The following SPAG16 variants were observed in gnomAD, a reference collection of about 807,000 sequenced individuals.
The protein encoded by SPAG16 is sperm-associated antigen 16 protein.
A neutral mutation model predicts 80.4 loss-of-function variants in SPAG16; 86 were observed. That is an observed-to-expected ratio of 1.07 (90% CI 0.90 to 1.28). The LOEUF (loss-of-function observed/expected upper bound fraction) is 1.28. Among genes scored for constraint, SPAG16 ranks in the 50% most tolerant of loss-of-function variants. SPAG16 has a pLI of 0.00. For missense variants in SPAG16, 870 were observed against 765.3 expected, an observed-to-expected ratio of 1.14 and a Z score of -1.61; for synonymous variants, 294 against 265.9, an observed-to-expected ratio of 1.11 and a Z score of -1.03.
chr2:213,690,776 C>G (rs1271714282), intron 10 of SPAG16, among the ~76,000 whole-genome samples: 2 of 152,120 alleles, frequency 1.3e-5, no homozygotes, highest in East Asian at 3.9e-4. Flanking sequence ...ATATTAACTC[C>G]AGGTTCTTCA....
intron 15 of SPAG16, among the ~76,000 whole-genome samples, chr2:214,311,983 A>G (rs1459747196): frequency 6.6e-6 from 1 of 152,204 alleles, no homozygotes; most frequent in Non-Finnish European, 1.5e-5. Flanking sequence ...CCTTTATCAA[A>G]TGAAATGAGT....
At chr2:213,716,336 A>T (rs2066238037) in intron 10 of SPAG16, among the ~76,000 whole-genome samples, 1 of 152,180 alleles carries the variant, frequency 6.6e-6, no homozygotes. Flanking sequence ...GTACAAAATG[A>T]TGTGAGAGTA....
intron 12 of SPAG16, among the ~76,000 whole-genome samples, chr2:213,985,729 A>T (rs2045967090): frequency 6.6e-6 from 1 of 152,206 alleles, no homozygotes; most frequent in Non-Finnish European, 1.5e-5. Flanking sequence ...GAGAGGGAAT[A>T]AAAGGATGGA....
intron 10 of SPAG16, among the ~76,000 whole-genome samples, chr2:213,732,288 A>G (rs1292446344): frequency 3.9e-5 from 6 of 152,176 alleles, no homozygotes; most frequent in African/African-American, 1.4e-4. Context: ...CTGTTCATCC[A>G]TCTTGGCAAG....
intron 10 of SPAG16, among the ~76,000 whole-genome samples, chr2:213,843,572 C>T (rs1379078215): frequency 2.0e-5 from 3 of 152,166 alleles, no homozygotes; most frequent in Admixed American, 6.5e-5. Context: ...CCTTCTAGGC[C>T]GGGCGAGGTG....
chr2:214,234,660 A>G (rs940676923), intron 15 of SPAG16, among the ~76,000 whole-genome samples: 26 of 151,810 alleles, frequency 1.7e-4, no homozygotes, highest in Admixed American at 1.7e-3. Flanking sequence ...GCTTTTTTTC[A>G]TATGTTTGTT....
intron 10 of SPAG16, among the ~76,000 whole-genome samples, chr2:213,828,641 G>T (rs1023919999): frequency 1.6e-4 from 24 of 152,138 alleles, no homozygotes; most frequent in African/African-American, 5.5e-4. Flanking sequence ...TCACAGTCTG[G>T]GTTGGTTTGT....
chr2:214,078,928 A>T (rs1402074563), intron 13 of SPAG16, among the ~76,000 whole-genome samples: 4 of 152,210 alleles, frequency 2.6e-5, no homozygotes, highest in African/African-American at 9.6e-5. Flanking sequence ...AAAGTAGGGA[A>T]GATACTGCAC....
At chr2:214,336,003 C>T (rs867801055) in intron 15 of SPAG16, among the ~76,000 whole-genome samples, 10 of 152,006 alleles carry the variant, frequency 6.6e-5, no homozygotes, top group African/African-American at 2.2e-4. Context: ...GTGATCCACC[C>T]GCCTTGGCCT....
intron 1 of SPAG16, among the ~76,000 whole-genome samples, chr2:213,295,740 A>G (rs555135519): frequency 1.3e-5 from 2 of 152,214 alleles, no homozygotes; most frequent in East Asian, 3.9e-4. Context: ...AATTCACGCT[A>G]CCTTATGATA....
chr2:213,327,358 C>T (rs2063888413), intron 5 of SPAG16, among the ~76,000 whole-genome samples: 1 of 151,988 alleles, frequency 6.6e-6, no homozygotes, highest in African/African-American at 2.4e-5. Flanking sequence ...TTAAATTGTT[C>T]TACTGAATAG....
intron 15 of SPAG16, among the ~76,000 whole-genome samples, chr2:214,316,736 G>A (rs1205175085): frequency 6.6e-6 from 1 of 151,906 alleles, no homozygotes; most frequent in Non-Finnish European, 1.5e-5. Flanking sequence ...AGGATATTTT[G>A]TCTCAAGATC....
intron 14 of SPAG16, 26 bp downstream of exon 14, chr2:214,108,287 G>A (rs16851495): frequency 0.076 from 117,186 of 1,551,664 alleles, 5,883 homozygotes; most frequent in East Asian, 0.3. Flanking sequence ...CCAGTAAACT[G>A]TTTTTAATGC....
At chr2:213,785,852 C>T (rs1453029262) in intron 10 of SPAG16, among the ~76,000 whole-genome samples, 1 of 151,868 alleles carries the variant, frequency 6.6e-6, no homozygotes, top group Non-Finnish European at 1.5e-5. Context: ...ACTAACAATA[C>T]AAAAATTAGC....
rs112307867 is a variant in SPAG16, at chr2:213,761,706, A to G, written c.1071-100779A>G. 2.5e-3 allele frequency among the ~76,000 whole-genome samples: 385 copies of G among 152,066 alleles called. 1 individual carries two copies. Among genetic ancestry groups the G allele is most frequent in the Non-Finnish European group, 4.3e-3 (293 of 67,980 alleles). Reference sequence around the variant, plus strand: ...AAACCCCATCTGTACTAAAACTACAAAAACAAAAAATTAGCTGGGCGTGGT... The same window carrying G: ...AAACCCCATCTGTACTAAAACTACAGAAACAAAAAATTAGCTGGGCGTGGT... On this transcript the variant is annotated intron_variant, in intron 10 of 15. Transcript: ENST00000331683.
At chr2:213,318,419 A>G (rs1033386071) in intron 5 of SPAG16, among the ~76,000 whole-genome samples, 23 of 152,032 alleles carry the variant, frequency 1.5e-4, no homozygotes, top group African/African-American at 5.3e-4. Flanking sequence ...CAAAAACCAC[A>G]TATTCTCACT....
rs2075969026 is a variant in SPAG16 at position 213,871,916 on chromosome 2, C to G, written c.1214+9288C>G. On this transcript the variant is annotated intron_variant, in intron 11 of 15. Transcript: ENST00000331683. ...GAGAGAGAGCAAACAGCAGTAAAAA[C>G]AAACCTTAGAAGGAAGCCTGATTTT... Among the ~76,000 whole-genome samples the G allele has an allele frequency of 2.7e-5, 4 of 148,912 alleles. No individual in the cohort carries two copies. In the South Asian group the frequency reaches 8.5e-4, roughly 32 times the overall value.
intron 15 of SPAG16, among the ~76,000 whole-genome samples, chr2:214,181,594 A>G (rs986371760): frequency 6.6e-6 from 1 of 151,814 alleles, no homozygotes; most frequent in Non-Finnish European, 1.5e-5. Flanking sequence ...AAGCTTTGCT[A>G]GAGGCCGTCT....
chr2:213,896,404 A>G lies in SPAG16; in HGVS notation c.1215-33556A>G, dbSNP rs184191449. Among the ~76,000 whole-genome samples the G allele has an allele frequency of 2.2e-3, 330 of 151,994 alleles. 1 individual carries two copies. Among genetic ancestry groups the G allele is most frequent in the Non-Finnish European group, 3.1e-3 (209 of 67,876 alleles). ...ACAGCATGGAGATACCTAAAAAAAA[A>G]TAGAACTACATATGATCCAGCAATT... is the stretch of plus-strand genomic sequence containing the variant. On this transcript the variant is annotated intron_variant, in intron 11 of 15. Coordinates refer to ENST00000331683, the MANE Select transcript of SPAG16 (RefSeq NM_024532.5).
Sources: gnomAD v4.1 joint callset for allele counts (sites outside exome capture counted in the v4.1 genomes callset) on GRCh38, gnomAD v4.1.1 for gene constraint, MANE v1.5 for transcripts, NCBI Gene and HGNC (gene_info 2026-07-23, HGNC 2026-07-21) for gene names.